The following ANK2 variants were observed in gnomAD, a reference collection of about 807,000 sequenced individuals.
The protein encoded by ANK2 is ankyrin-2.
A neutral mutation model predicts 360.5 loss-of-function variants in ANK2; 83 were observed. The observed-to-expected ratio is 0.23, with a 90% confidence interval of 0.19 to 0.28. The LOEUF is 0.28. ANK2 is among the 10% of genes least tolerant of loss of function. The pLI is 1.00. For synonymous variants in ANK2, 1,740 were observed against 1,759.5 expected (o/e 0.99, Z 0.28); for missense variants, 4,201 against 4,795.7 (o/e 0.88, Z 3.66).
chr4:113,059,763 G>A (rs1561778970), intron 1 of ANK2, among the ~76,000 whole-genome samples: 2 of 152,096 alleles, frequency 1.3e-5, no homozygotes, highest in Admixed American at 6.6e-5. Flanking sequence ...AAATGTTCAT[G>A]AGTAACACAT....
chr4:113,114,836 G>A (rs961887635), intron 1 of ANK2, among the ~76,000 whole-genome samples: 5 of 152,126 alleles, frequency 3.3e-5, no homozygotes, highest in Non-Finnish European at 5.9e-5. Context: ...TTCTAAAGGG[G>A]CAGTGGAAAG....
rs773768965 is a variant in ANK2, at chr4:113,354,054, T to C, written c.5436T>C (p.Ser1812=). Reference sequence around the variant, plus strand: ...GGCCACATCCAGCTGCGTCACCCTCTCTGAAGTCAGAGAGACATGCGCCAG... The same window carrying C: ...GGCCACATCCAGCTGCGTCACCCTCCCTGAAGTCAGAGAGACATGCGCCAG... The part of the protein sequence containing the change: ...THRPHPAASP[S]LKSERHAPGS... The change falls in exon 38 of 46, where the codon TCT becomes TCC. Residue 1812 remains serine, a synonymous_variant. Transcript: ENST00000357077. 1 of 1,613,996 alleles carries C rather than the reference T, an allele frequency of 6.2e-7. No individual in the cohort carries two copies. Among genetic ancestry groups the C allele is most frequent in the East Asian group, 2.2e-5 (1 of 44,874 alleles).
intron 19 of ANK2, 144 bp downstream of exon 19, chr4:113,287,847 C>A: frequency 1.3e-6 from 1 of 754,850 alleles, no homozygotes; most frequent in Non-Finnish European, 2.3e-6. Flanking sequence ...CTCTCCTATG[C>A]ACAAATCTAT....
chr4:113,318,030 C>A (rs1399918618), intron 25 of ANK2, among the ~76,000 whole-genome samples: 3 of 152,116 alleles, frequency 2.0e-5, no homozygotes, highest in African/African-American at 7.2e-5. Flanking sequence ...CTGCTTATTT[C>A]TTCAGCTATA....
intron 2 of ANK2, among the ~76,000 whole-genome samples, chr4:113,180,178 C>G (rs1158844821): frequency 6.6e-6 from 1 of 152,208 alleles, no homozygotes; most frequent in Non-Finnish European, 1.5e-5. Context: ...CAGTATGACT[C>G]AGACCATGAA....
intron 39 of ANK2, among the ~76,000 whole-genome samples, chr4:113,362,740 T>A (rs1036019281): frequency 2.6e-5 from 4 of 152,196 alleles, no homozygotes; most frequent in Admixed American, 1.3e-4. Flanking sequence ...CATGAGCTAC[T>A]GGGCCCACCC....
At position 112,996,698 on chromosome 4, in the gene ANK2, A is replaced by G. The variant is rs571910005; in HGVS notation, c.21+92184A>G. Among the ~76,000 whole-genome samples, 289 of 152,262 alleles carry G rather than the reference A, an allele frequency of 1.9e-3. 2 individuals carry two copies. Among genetic ancestry groups the G allele is most frequent in the South Asian group, 7.9e-3 (38 of 4,824 alleles). ...TGAAATAATCACATCATGAAGAATG[A>G]GGTATCCATCCCTTTAAGCATTTGT... On this transcript the variant is annotated intron_variant, in intron 2 of 30. Coordinates refer to the ANK2 transcript ENST00000503271.
intron 2 of ANK2, among the ~76,000 whole-genome samples, chr4:113,001,888 A>T (rs1271704945): frequency 1.3e-5 from 2 of 152,160 alleles, no homozygotes; most frequent in African/African-American, 4.8e-5. Flanking sequence ...TTATTTCTCC[A>T]GTCCTGACTA....
At chr4:113,098,875 A>C (rs373992003) in intron 1 of ANK2, among the ~76,000 whole-genome samples, 1 of 151,976 alleles carries the variant, frequency 6.6e-6, no homozygotes, top group Non-Finnish European at 1.5e-5. Flanking sequence ...GTAATTCATC[A>C]CATCAACAGC....
chr4:113,273,652 A>T (rs961304272), intron 14 of ANK2, among the ~76,000 whole-genome samples: 1 of 152,152 alleles, frequency 6.6e-6, no homozygotes, highest in African/African-American at 2.4e-5. Context: ...AGTTACACTC[A>T]ATTTTCTTTT....
chr4:112,821,429 T>C (rs2056991308), intron 1 of ANK2, among the ~76,000 whole-genome samples: 1 of 152,200 alleles, frequency 6.6e-6, no homozygotes, highest in Admixed American at 6.5e-5. Context: ...GTGGGTCATG[T>C]GATGAGATCT....
At chr4:113,363,250 A>T in intron 39 of ANK2, 88 bp from the exon 40 acceptor site, 1 of 1,339,196 alleles carries the variant, frequency 7.5e-7, no homozygotes, top group Non-Finnish European at 1.0e-6. Flanking sequence ...CAATATAAAG[A>T]ACACATCATT....
intron 26 of ANK2, 65 bp from the exon 27 acceptor site, chr4:113,330,181 G>A: frequency 6.8e-7 from 1 of 1,478,326 alleles, no homozygotes; most frequent in Non-Finnish European, 9.3e-7. Flanking sequence ...AAAACAACTT[G>A]ACAAAGCTTG....
rs2058629275 is a variant in ANK2, at chr4:112,827,357, A to G, written c.-40+9093A>G. 5.3e-6 allele frequency: 7 copies of G among 1,322,378 alleles called. No homozygotes were observed. The Admixed American group carries it at 1.2e-4, about 22-fold the overall frequency. The allele number at this position is 1,322,378 out of a possible 1,614,324, so 81.9% of individuals were successfully genotyped here. On this transcript the variant is annotated intron_variant, in intron 1 of 30. Transcript: ENST00000503271. ...GAGTTACAGCAACTGGAACTTGAAC[A>G]GATACAGCATAGAGATGCTAATCTC...
At chr4:112,774,513 C>T in the ANK2 span, among the ~76,000 whole-genome samples, 1 of 152,074 alleles carries the variant, frequency 6.6e-6, no homozygotes, top group Non-Finnish European at 1.5e-5. Context: ...GGCGACAGAG[C>T]GAGACTCCGT....
intron 2 of ANK2, among the ~76,000 whole-genome samples, chr4:112,983,603 A>G (rs911459165): frequency 2.0e-5 from 3 of 151,958 alleles, no homozygotes; most frequent in African/African-American, 7.2e-5. Context: ...TGAACCTGGG[A>G]GGCAGAGGTT....
intron 1 of ANK2, among the ~76,000 whole-genome samples, chr4:113,133,978 G>A (rs1582619493): frequency 1.3e-5 from 2 of 151,926 alleles, no homozygotes; most frequent in African/African-American, 4.8e-5. Context: ...ATAGCAGGGG[G>A]AGTCTCTGAA....
chr4:112,857,887 A>G (rs2066850119), intron 1 of ANK2, among the ~76,000 whole-genome samples: 1 of 152,154 alleles, frequency 6.6e-6, no homozygotes, highest in Non-Finnish European at 1.5e-5. Flanking sequence ...TGTATTTCTA[A>G]TGAGCTCCTG....
intron 4 of ANK2, among the ~76,000 whole-genome samples, chr4:113,228,167 T>A (rs1242974843): frequency 6.6e-6 from 1 of 152,216 alleles, no homozygotes; most frequent in Non-Finnish European, 1.5e-5. Flanking sequence ...ACTTTCTTCC[T>A]TGATTTTTTT....
Sources: allele counts gnomAD v4.1 joint callset (sites outside exome capture counted in the v4.1 genomes callset), GRCh38; gene constraint gnomAD v4.1.1; transcripts MANE v1.5; gene names NCBI Gene and HGNC (gene_info 2026-07-23, HGNC 2026-07-21).